Variants in MAGI2 observed in about 807,000 individuals in gnomAD.
MAGI2 encodes membrane associated guanylate kinase, WW and PDZ domain containing 2, also known as membrane-associated guanylate kinase, WW and PDZ domain-containing protein 2.
A neutral mutation model predicts 133.3 loss-of-function variants in MAGI2; 35 were observed. The ratio of observed to expected loss-of-function variants is 0.26; its 90% CI spans 0.20 to 0.35. The LOEUF (loss-of-function observed/expected upper bound fraction) is 0.35. Ranked by LOEUF, MAGI2 falls within the 10% of genes least tolerant of loss-of-function variation. The pLI is 1.00. For missense variants in MAGI2, 1,636 were observed against 1,863.4 expected, an observed-to-expected ratio of 0.88 and a Z score of 2.25; for synonymous variants, 729 against 710.6, an observed-to-expected ratio of 1.03 and a Z score of -0.41.
rs760834788 is a variant in MAGI2, at chr7:78,019,963, G to A, written c.3720C>T (p.Pro1240=). The change falls in exon 22 of 22, where the codon CCC becomes CCT. Residue 1240 remains proline (P), a synonymous_variant. Coordinates refer to ENST00000354212, the MANE Select transcript of MAGI2 (RefSeq NM_012301.4). ...GGGCGGCGGCAGCGGGAGAACTCCA[G>A]GGGGCGGGTTCGTCTGTGGACGGGA... ...GQVPEYDEPA[P]WSSPAAAAPG... 2.9e-5 allele frequency: 46 copies of A among 1,606,520 alleles called. No homozygotes were observed. The highest frequency in any genetic ancestry group is 3.7e-5 in the Non-Finnish European group (43 of 1,177,440).
In MAGI2 at chr7:78,226,549, G is replaced by A. The variant is rs115776598; in HGVS notation, c.2048-25356C>T. Among the ~76,000 whole-genome samples, 1,109 of 152,210 alleles carry A rather than the reference G, an allele frequency of 7.3e-3. 12 individuals carry two copies. Among genetic ancestry groups the A allele is most frequent in the African/African-American group, 0.026 (1,064 of 41,516 alleles). On this transcript the variant is annotated intron_variant, in intron 10 of 21. Transcript: ENST00000354212. ...TTTTTCAGTTAATTCAGATATTCTG[G>A]CTGAAGTCCAACCCTGGTAATTGCC...
intron 3 of MAGI2, among the ~76,000 whole-genome samples, chr7:78,624,721 T>C (rs1808145186): frequency 6.6e-6 from 1 of 151,584 alleles, no homozygotes; most frequent in Non-Finnish European, 1.5e-5. Flanking sequence ...GTGATGGGGA[T>C]GATCTGTGCA....
At chr7:78,357,616 T>C (rs1241954440) in intron 7 of MAGI2, among the ~76,000 whole-genome samples, 5 of 152,204 alleles carry the variant, frequency 3.3e-5, no homozygotes, top group African/African-American at 9.7e-5. Context: ...TAGTGGAAAG[T>C]TGAATTAAGA....
intron 1 of MAGI2, among the ~76,000 whole-genome samples, chr7:79,355,667 GT>G (rs1292312253): frequency 6.6e-6 from 1 of 152,044 alleles, no homozygotes; most frequent in Non-Finnish European, 1.5e-5. Context: ...GTTTTGTTTT[GT>G]TTTCCTAAAT....
At chr7:78,210,106 T>G (rs1283377982) in intron 10 of MAGI2, among the ~76,000 whole-genome samples, 1 of 152,202 alleles carries the variant, frequency 6.6e-6, no homozygotes, top group Non-Finnish European at 1.5e-5. Context: ...TAATTATATT[T>G]ATTAGATCAT....
chr7:78,075,892 G>A (rs1451372902), intron 21 of MAGI2, among the ~76,000 whole-genome samples: 1 of 152,060 alleles, frequency 6.6e-6, no homozygotes, highest in African/African-American at 2.4e-5. Flanking sequence ...GCACCTTTCA[G>A]CTTAGATTTT....
At chr7:78,080,454 G>T (rs967734770) in intron 20 of MAGI2, among the ~76,000 whole-genome samples, 1 of 152,128 alleles carries the variant, frequency 6.6e-6, no homozygotes, top group Non-Finnish European at 1.5e-5. Flanking sequence ...CTGAGGCAAC[G>T]GGCATAACTT....
intron 1 of MAGI2, among the ~76,000 whole-genome samples, chr7:79,052,528 G>A (rs889964098): frequency 6.6e-6 from 1 of 152,174 alleles, no homozygotes; most frequent in Non-Finnish European, 1.5e-5. Flanking sequence ...TGACTTGGAT[G>A]CTCCCATGCC....
intron 1 of MAGI2, among the ~76,000 whole-genome samples, chr7:79,244,859 A>G (rs1335784850): frequency 1.3e-5 from 2 of 152,022 alleles, no homozygotes; most frequent in African/African-American, 4.8e-5. Context: ...CCTTCCTTTC[A>G]CTTGAGGAGT....
intron 1 of MAGI2, among the ~76,000 whole-genome samples, chr7:79,230,331 G>A (rs1831252971): frequency 6.6e-6 from 1 of 151,972 alleles, no homozygotes. Flanking sequence ...TGAGTCAAAT[G>A]GTATTTCTAG....
intron 1 of MAGI2, chr7:79,353,458 G>T: frequency 2.2e-6 from 1 of 456,088 alleles, no homozygotes. Context: ...GGAACCCCAG[G>T]ACAATCCTGA....
intron 2 of MAGI2, among the ~76,000 whole-genome samples, chr7:78,791,563 A>G (rs529633065): frequency 9.6e-5 from 13 of 135,794 alleles, no homozygotes; most frequent in African/African-American, 3.7e-4. Context: ...TTTTTTTGAG[A>G]TGAACTCTTG....
intron 1 of MAGI2, among the ~76,000 whole-genome samples, chr7:79,045,072 T>C (rs954412462): frequency 6.6e-6 from 1 of 152,234 alleles, no homozygotes; most frequent in Admixed American, 6.5e-5. Flanking sequence ...AATGAAGTAC[T>C]TCTCAGGAAC....
chr7:79,342,860 A>G (rs1841003764), intron 1 of MAGI2, among the ~76,000 whole-genome samples: 1 of 151,990 alleles, frequency 6.6e-6, no homozygotes, highest in Non-Finnish European at 1.5e-5. Flanking sequence ...CCTGGGTTCA[A>G]CTGATTCTCC....
Position 79,014,146 on chromosome 7 carries a change from A to G in MAGI2, c.302-6940T>C, listed in dbSNP as rs559883623. Among the ~76,000 whole-genome samples, 3 of 152,356 alleles carry G rather than the reference A, an allele frequency of 2.0e-5. No individual in the cohort carries two copies. The East Asian group carries it at 5.8e-4, about 29-fold the overall frequency. ...CTATTTCAGAGAAAATGACAGAGAT[A>G]AATGTAAATGGTTTATAATATTCTC... On this transcript the variant is annotated intron_variant, in intron 1 of 21. Transcript: ENST00000354212.
intron 2 of MAGI2, among the ~76,000 whole-genome samples, chr7:78,783,410 C>A (rs1478327460): frequency 6.6e-6 from 1 of 152,020 alleles, no homozygotes; most frequent in Non-Finnish European, 1.5e-5. Context: ...TTGATTTAAC[C>A]TGGAGATGGT....
intron 10 of MAGI2, among the ~76,000 whole-genome samples, chr7:78,245,381 A>G (rs995596617): frequency 6.6e-6 from 1 of 152,250 alleles, no homozygotes; most frequent in African/African-American, 2.4e-5. Context: ...CGCCTAGCAC[A>G]TTGTGGGCAT....
At chr7:78,053,680 T>C (rs1160376611) in intron 21 of MAGI2, among the ~76,000 whole-genome samples, 1 of 152,146 alleles carries the variant, frequency 6.6e-6, no homozygotes, top group East Asian at 1.9e-4. Context: ...TAAGCTCCAA[T>C]CCCCAACTGT....
At chr7:78,247,695 G>T (rs182242293) in intron 10 of MAGI2, among the ~76,000 whole-genome samples, 1 of 152,094 alleles carries the variant, frequency 6.6e-6, no homozygotes, top group Non-Finnish European at 1.5e-5. Flanking sequence ...ACTAGATTAA[G>T]CAGAAGAAAG....
Sources: allele counts gnomAD v4.1 joint callset (sites outside exome capture counted in the v4.1 genomes callset), GRCh38; gene constraint gnomAD v4.1.1; transcripts MANE v1.5; gene names NCBI Gene and HGNC (gene_info 2026-07-23, HGNC 2026-07-21).